Variants in SVEP1 observed in about 807,000 individuals in gnomAD.
The protein encoded by SVEP1 is sushi, von Willebrand factor type A, EGF and pentraxin domain-containing protein 1.
Under a neutral mutation model 367.3 loss-of-function variants are expected in SVEP1, and 164 were observed. The observed-to-expected ratio is 0.45, with a 90% CI of 0.39 to 0.51. The LOEUF is 0.51. SVEP1 is among the 20% of genes least tolerant of loss of function. SVEP1 has a pLI of 0.00. For missense variants in SVEP1, 4,117 were observed against 4,425.3 expected (o/e 0.93, Z 1.98); for synonymous variants, 1,666 against 1,611.6 (o/e 1.03, Z -0.81).
chr9:110,440,480 G>T (rs749138057), intron 27 of SVEP1, among the ~76,000 whole-genome samples: 20 of 152,296 alleles, frequency 1.3e-4, no homozygotes, highest in South Asian at 4.1e-4. Context: ...ACTGGACTTA[G>T]ACAGATGAAA....
rs1384350096 is a variant in SVEP1, at chr9:110,579,030, C to A, written c.514G>T (p.Ala172Ser). The change falls in exon 1 of 48, where the codon GCC (alanine) becomes TCC (serine). Residue 172 changes from alanine to serine, a missense_variant. By Grantham distance (99) the Ala-to-Ser change is moderately conservative. Around this residue, in one of 4 missense-constraint regions of SVEP1, gnomAD observed 2,174 missense variants for 2,494.3 expected, o/e 0.87. Transcript: ENST00000374469. This position sits in a 1 kb window ranked among gnomAD's most constrained non-coding sequence, Gnocchi z 5.3. ...YRGGGTYTKG[A>S]FQQAAQILLH... Reference sequence around the variant, plus strand: ...CGCCTTACCGCGGCTTGCTGGAAGGCGCCCTTGGTGTAGGTGCCGCCACCT... The same window carrying A: ...CGCCTTACCGCGGCTTGCTGGAAGGAGCCCTTGGTGTAGGTGCCGCCACCT... 3.2e-6 allele frequency: 5 copies of A among 1,547,398 alleles called. No individual in the cohort carries two copies. The South Asian group carries it at 3.6e-5, about 11-fold the overall frequency.
At chr9:110,498,679 T>G (rs1179118754) in intron 7 of SVEP1, among the ~76,000 whole-genome samples, 2 of 152,216 alleles carry the variant, frequency 1.3e-5, no homozygotes, top group East Asian at 3.8e-4. Flanking sequence ...CTCTTGTGAA[T>G]GGAATGTGAT....
Position 110,404,592 on chromosome 9 carries a change from A to G in SVEP1, c.9441-40T>C, listed in dbSNP as rs142858675. ...CAAAAATGAGTGCCTTAAATGAAGT[A>G]CAATATAGTTTCTGATCTATCCTTG... On this transcript the variant is annotated intron_variant, in intron 38 of 47. Transcript: ENST00000374469. The G allele has an allele frequency of 4.8e-4, 745 of 1,567,770 alleles. 2 individuals are homozygous for G. The African/African-American group carries it at 9.1e-3, about 19-fold the overall frequency.
At chr9:110,511,510 T>C (rs1829714641) in intron 5 of SVEP1, among the ~76,000 whole-genome samples, 1 of 75,870 alleles carries the variant, frequency 1.3e-5, no homozygotes, top group Non-Finnish European at 2.7e-5. Context: ...TTTTTTTTTT[T>C]TTTTTTTTTT....
intron 40 of SVEP1, among the ~76,000 whole-genome samples, chr9:110,394,284 C>T (rs1170397053): frequency 3.3e-5 from 5 of 152,188 alleles, no homozygotes; most frequent in African/African-American, 4.8e-5. Flanking sequence ...CGACCTGCAG[C>T]TGAGGGTCCT....
intron 6 of SVEP1, among the ~76,000 whole-genome samples, chr9:110,501,660 T>C (rs967342607): frequency 1.7e-4 from 26 of 152,186 alleles, no homozygotes; most frequent in African/African-American, 5.8e-4. Context: ...ACTGTCTATA[T>C]TGTTTCTCCA....
At chr9:110,553,323 C>A (rs1007399041) in intron 1 of SVEP1, among the ~76,000 whole-genome samples, 22 of 152,136 alleles carry the variant, frequency 1.4e-4, no homozygotes, top group African/African-American at 5.1e-4. Context: ...CTTAGATGTG[C>A]CTACGTGAGG....
At position 110,579,237 on chromosome 9, in the gene SVEP1, G is replaced by A. The variant is rs1248235756; in HGVS notation, c.307C>T (p.Leu103Phe). 2 of 1,569,978 alleles carry A rather than the reference G, an allele frequency of 1.3e-6. No individual in the cohort carries two copies. Among genetic ancestry groups the A allele is most frequent in the Non-Finnish European group, 1.7e-6 (2 of 1,158,552 alleles). Residue 103 changes from leucine (L) to phenylalanine (F), a missense_variant, in exon 1 of 48, where the codon CTC becomes TTC. Coordinates refer to ENST00000374469, the MANE Select transcript of SVEP1 (RefSeq NM_153366.4). The surrounding 1 kb of genome is among the most constrained non-coding windows in gnomAD (Gnocchi z 5.3). The part of the protein sequence containing the change: ...SVGEVNFRSE[L>F]MFVRKLLSDF... ...GACAGCAGCTTGCGGACGAACATGA[G>A]CTCGCTGCGGAAGTTGACTTCGCCC...
rs532010178 is a variant in SVEP1 at position 110,557,951 on chromosome 9, G to C, written c.532-7847C>G. ...CATACAGTAGCCACATATGGCTATT[G>C]AGCACTTGAAATGAGACTATTGCAA... On this transcript the variant is annotated intron_variant, in intron 1 of 47. Coordinates refer to ENST00000374469, the MANE Select transcript of SVEP1 (RefSeq NM_153366.4). 7.2e-5 allele frequency among the ~76,000 whole-genome samples: 11 copies of C among 152,204 alleles called. No individual in the cohort carries two copies. In the South Asian group the frequency reaches 2.3e-3, roughly 32 times the overall value.
At chr9:110,553,471 C>A (rs115188072) in intron 1 of SVEP1, among the ~76,000 whole-genome samples, 1 of 152,018 alleles carries the variant, frequency 6.6e-6, no homozygotes, top group Non-Finnish European at 1.5e-5. Context: ...CTGATGAAAC[C>A]CTGTGATATC....
At chr9:110,385,867 G>C in intron 43 of SVEP1, 31 bp downstream of exon 43, 1 of 1,601,072 alleles carries the variant, frequency 6.2e-7, no homozygotes, top group Admixed American at 1.7e-5. Context: ...TCGCACTAGC[G>C]GCATGAACTG....
intron 22 of SVEP1, among the ~76,000 whole-genome samples, chr9:110,452,490 C>A (rs559382543): frequency 6.6e-6 from 1 of 152,042 alleles, no homozygotes; most frequent in South Asian, 2.1e-4. Context: ...CATAGGCAGA[C>A]GGTGGAGAGG....
At chr9:110,450,727 G>A (rs552774482) in intron 23 of SVEP1, among the ~76,000 whole-genome samples, 3 of 151,754 alleles carry the variant, frequency 2.0e-5, no homozygotes, top group Admixed American at 6.6e-5. Flanking sequence ...CACCTGCCTC[G>A]GCCTCCCAAA....
At chr9:110,441,677 C>T (rs1828512120) in intron 27 of SVEP1, among the ~76,000 whole-genome samples, 1 of 152,156 alleles carries the variant, frequency 6.6e-6, no homozygotes, top group African/African-American at 2.4e-5. Context: ...CCCAAGTTTC[C>T]CTCCCAGGAG....
chr9:110,566,915 T>C (rs1830500388), intron 1 of SVEP1, among the ~76,000 whole-genome samples: 1 of 152,104 alleles, frequency 6.6e-6, no homozygotes, highest in African/African-American at 2.4e-5. Flanking sequence ...CAGGTAGGAG[T>C]CCACATCTGT....
intron 40 of SVEP1, among the ~76,000 whole-genome samples, chr9:110,393,682 C>T (rs887122026): frequency 1.3e-5 from 2 of 149,194 alleles, no homozygotes; most frequent in Non-Finnish European, 3.0e-5. Context: ...TTCCAACAGG[C>T]TTAAAAAACA....
intron 24 of SVEP1, among the ~76,000 whole-genome samples, chr9:110,447,531 T>C (rs1035327258): frequency 1.3e-5 from 2 of 152,216 alleles, no homozygotes; most frequent in Admixed American, 6.5e-5. Context: ...CAACCTATAC[T>C]CTTTTTCTTA....
At chr9:110,381,944 C>T (rs1827444862) in intron 43 of SVEP1, among the ~76,000 whole-genome samples, 1 of 152,056 alleles carries the variant, frequency 6.6e-6, no homozygotes, top group Admixed American at 6.6e-5. Context: ...TTATGAAATG[C>T]CCTTGTCTTT....
At position 110,411,228 on chromosome 9, in the gene SVEP1, G is replaced by C. The variant is rs1209322109; in HGVS notation, c.6483C>G (p.Asn2161Lys). 2.5e-6 allele frequency: 4 copies of C among 1,614,014 alleles called. No homozygotes were observed. The South Asian group carries it at 3.3e-5, about 13-fold the overall frequency. Residue 2161 changes from asparagine to lysine, a missense_variant, in exon 37 of 48, where the codon AAC becomes AAG. Asn to Lys is a moderately conservative substitution (Grantham distance 94). This residue lies in a region of SVEP1 where 1,765 missense variants were observed against 1,781.1 expected (regional missense o/e 0.99). Transcript: ENST00000374469. ...AAGCCACCATGGCTCCAAAACTGTA[G>C]TTTGATCCACTTGCATAGCCATTCA... ...SIMNGYASGS[N>K]YSFGAMVAYS...
Sources: gnomAD v4.1 joint callset for allele counts (sites outside exome capture counted in the v4.1 genomes callset) on GRCh38, gnomAD v4.1.1 for gene constraint, gnomAD v4.1.1 regional missense constraint, Gnocchi (gnomAD v3.1) non-coding constraint, MANE v1.5 for transcripts, NCBI Gene and HGNC (gene_info 2026-07-23, HGNC 2026-07-21) for gene names.